Variants in DENND2A observed in about 807,000 individuals in gnomAD.
DENND2A encodes the protein DENN domain-containing protein 2A.
In DENND2A, 53 loss-of-function variants were observed where a neutral mutation model predicts 105.3. The ratio of observed to expected loss-of-function variants is 0.50; its 90% CI spans 0.40 to 0.63. DENND2A has a LOEUF of 0.63. DENND2A is among the 30% of genes least tolerant of loss of function. DENND2A has a pLI of 0.00. For missense variants in DENND2A, 1,138 were observed against 1,279.6 expected (o/e 0.89, Z 1.69); for synonymous variants, 522 against 508.4 (o/e 1.03, Z -0.36).
At chr7:140,519,843 G>C in intron 18 of DENND2A, 125 bp from the exon 19 acceptor site, 1 of 816,010 alleles carries the variant, frequency 1.2e-6, no homozygotes, top group South Asian at 1.6e-5. Flanking sequence ...CTATAAACAT[G>C]CTCTGAATCA....
At chr7:140,631,791 T>C (rs1276208725) in intron 1 of DENND2A, among the ~76,000 whole-genome samples, 1 of 152,146 alleles carries the variant, frequency 6.6e-6, no homozygotes, top group Non-Finnish European at 1.5e-5. Flanking sequence ...GAGTATTAAG[T>C]AGAGAATCCC....
At chr7:140,565,394 G>A (rs1166486533) in intron 9 of DENND2A, among the ~76,000 whole-genome samples, 1 of 152,090 alleles carries the variant, frequency 6.6e-6, no homozygotes, top group African/African-American at 2.4e-5. Context: ...CTTGAGGACA[G>A]GAGACACATT....
chr7:140,557,415 G>C (rs1295656926), intron 11 of DENND2A, among the ~76,000 whole-genome samples: 13 of 146,252 alleles, frequency 8.9e-5, no homozygotes, highest in African/African-American at 3.0e-4. Flanking sequence ...TGAAATAAAA[G>C]TATTTTCTTT....
At chr7:140,598,449 C>T (rs1026049289) in intron 3 of DENND2A, among the ~76,000 whole-genome samples, 2 of 152,090 alleles carry the variant, frequency 1.3e-5, no homozygotes, top group Admixed American at 6.5e-5. Context: ...TAACACTGTT[C>T]GGAAGTCTCA....
At chr7:140,604,976 T>C (rs1250758621) in intron 2 of DENND2A, among the ~76,000 whole-genome samples, 1 of 152,242 alleles carries the variant, frequency 6.6e-6, no homozygotes, top group Non-Finnish European at 1.5e-5. Flanking sequence ...GTAAGTATCA[T>C]AGTTATTGTC....
At chr7:140,540,365 T>G (rs1348565115) in intron 14 of DENND2A, among the ~76,000 whole-genome samples, 1 of 152,242 alleles carries the variant, frequency 6.6e-6, no homozygotes, top group Non-Finnish European at 1.5e-5. Context: ...ACTCACGGCA[T>G]GAGCCGTTTG....
chr7:140,620,065 G>A (rs761762543), intron 1 of DENND2A, among the ~76,000 whole-genome samples: 9 of 151,526 alleles, frequency 5.9e-5, no homozygotes, highest in Admixed American at 2.6e-4. Context: ...GCATGGTGGC[G>A]GGCGCCTGTA....
chr7:140,539,956 C>G (rs1422786472), intron 14 of DENND2A, among the ~76,000 whole-genome samples: 1 of 152,234 alleles, frequency 6.6e-6, no homozygotes, highest in African/African-American at 2.4e-5. Context: ...TCAGAGAAAA[C>G]AAGACAGCGG....
intron 14 of DENND2A, among the ~76,000 whole-genome samples, chr7:140,537,091 T>C (rs6956815): frequency 0.048 from 7,319 of 152,294 alleles, 554 homozygotes; most frequent in African/African-American, 0.16. Flanking sequence ...GTGGCAGCTT[T>C]AAACACTTTC....
Position 140,601,813 on chromosome 7 carries a change from T to C in DENND2A, c.585A>G (p.Ala195=), listed in dbSNP as rs1260016565. The C allele has an allele frequency of 1.2e-6, 2 of 1,614,018 alleles. No individual in the cohort carries two copies. Among genetic ancestry groups the C allele is most frequent in the African/African-American group, 2.7e-5 (2 of 74,924 alleles). ...CYSPHCPPDK[A]EAGSTLPENL... ...TCTCAGGAAGGGTGGACCCTGCCTC[T>C]GCCTTGTCAGGAGGGCAGTGTGGGG... Residue 195 remains alanine (A), a synonymous_variant, in exon 3 of 20, where the codon GCA becomes GCG. Transcript: ENST00000496613.
intron 6 of DENND2A, among the ~76,000 whole-genome samples, chr7:140,571,257 C>T (rs1273719597): frequency 2.0e-5 from 3 of 152,156 alleles, no homozygotes; most frequent in East Asian, 1.9e-4. Flanking sequence ...CTCCCGGTTT[C>T]AAGTGATTCT....
chr7:140,533,643 GCAGTGTTC>G (rs1796350297), intron 14 of DENND2A, among the ~76,000 whole-genome samples: 1 of 152,230 alleles, frequency 6.6e-6, no homozygotes, highest in African/African-American at 2.4e-5. Context: ...CTCCAGGACA[GCAGTGTTC>G]AGGCTTGATG....
At chr7:140,560,462 C>T (rs1213828174) in intron 9 of DENND2A, among the ~76,000 whole-genome samples, 1 of 152,086 alleles carries the variant, frequency 6.6e-6, no homozygotes, top group East Asian at 1.9e-4. Context: ...CTCTCTCTCT[C>T]TTTATGATAT....
At position 140,568,973 on chromosome 7, in the gene DENND2A, G is replaced by A. The variant is rs530240992; in HGVS notation, c.1541-160C>T. ...GGAGTCTTGCTCTGTCACCCAGGCT[G>A]GAGTGCAGTGGCGCAATCTCGGCTC... On this transcript the variant is annotated intron_variant, in intron 7 of 19. Coordinates refer to ENST00000496613, the MANE Select transcript of DENND2A (RefSeq NM_015689.5). Among the ~76,000 whole-genome samples the A allele has an allele frequency of 2.6e-5, 4 of 152,022 alleles. No homozygotes were observed. The South Asian group carries it at 8.3e-4, about 32-fold the overall frequency.
intron 18 of DENND2A, 91 bp downstream of exon 18, chr7:140,521,764 C>G: frequency 6.4e-7 from 1 of 1,562,774 alleles, no homozygotes; most frequent in Non-Finnish European, 8.7e-7. Context: ...TGTCTGTGCC[C>G]CTGCCCTGTG....
intron 6 of DENND2A, among the ~76,000 whole-genome samples, chr7:140,572,808 C>T (rs1798151349): frequency 6.6e-6 from 1 of 151,574 alleles, no homozygotes; most frequent in Non-Finnish European, 1.5e-5. Flanking sequence ...GATGTAACTC[C>T]CCAAAATATG....
intron 3 of DENND2A, 70 bp downstream of exon 3, chr7:140,601,333 G>T (rs1279993990): frequency 2.0e-6 from 3 of 1,507,948 alleles, no homozygotes; most frequent in Middle Eastern, 3.8e-4. Flanking sequence ...GAGAACAGAC[G>T]GTTATGATGG....
chr7:140,639,207 C>T (rs957849275), intron 1 of DENND2A, among the ~76,000 whole-genome samples: 17 of 152,010 alleles, frequency 1.1e-4, no homozygotes, highest in Admixed American at 2.0e-4. Flanking sequence ...CAAAAATTAG[C>T]TGGGTGTGGT....
At chr7:140,534,669 T>C (rs1796397303) in intron 14 of DENND2A, among the ~76,000 whole-genome samples, 1 of 152,138 alleles carries the variant, frequency 6.6e-6, no homozygotes, top group Admixed American at 6.6e-5. Flanking sequence ...GTTCTGGGGA[T>C]GCTAGGGATG....
Sources: gnomAD v4.1 joint callset for allele counts (sites outside exome capture counted in the v4.1 genomes callset) on GRCh38, gnomAD v4.1.1 for gene constraint, MANE v1.5 for transcripts, NCBI Gene and HGNC (gene_info 2026-07-23, HGNC 2026-07-21) for gene names.